PPP1R7: variants seen among roughly 807,000 people sequenced by gnomAD.
The protein encoded by PPP1R7 is protein phosphatase 1 regulatory subunit 22.
A neutral mutation model predicts 45.2 loss-of-function variants in PPP1R7; 18 were observed. That is an observed-to-expected ratio of 0.40 (90% CI 0.28 to 0.59). The LOEUF (loss-of-function observed/expected upper bound fraction) is 0.59. PPP1R7 is among the 20% of genes least tolerant of loss of function. PPP1R7 has a pLI of 0.46. For synonymous variants in PPP1R7, 181 were observed against 183.4 expected, an observed-to-expected ratio of 0.99 and a Z score of 0.11; for missense variants, 314 against 455.8, an observed-to-expected ratio of 0.69 and a Z score of 2.83.
In PPP1R7 at chr2:241,163,432, C is replaced by T. The variant is rs141065303; in HGVS notation, c.714+31C>T. The T allele has an allele frequency of 1.1e-3, 1,663 of 1,496,406 alleles. 3 individuals are homozygous for T. Among genetic ancestry groups the T allele is most frequent in the Non-Finnish European group, 8.2e-4 (881 of 1,074,576 alleles). The allele number at this position is 1,496,406 out of a possible 1,614,324, so 92.7% of individuals were successfully genotyped here. A position where few individuals can be genotyped will look rare whatever the true frequency, so the allele number is the denominator to read the frequency against. ...GAGCTTCCTGAGCCGCCCTTCCCTGCGAGCCCTGGCAGGGCCAGCGCTGCT... is the reference window on the plus strand; with the variant it reads ...GAGCTTCCTGAGCCGCCCTTCCCTGTGAGCCCTGGCAGGGCCAGCGCTGCT... On this transcript the variant is annotated intron_variant, in intron 7 of 9. Transcript: ENST00000234038.
intron 2 of PPP1R7, among the ~76,000 whole-genome samples, chr2:241,153,876 C>T (rs1459757665): frequency 2.0e-5 from 3 of 152,158 alleles, no homozygotes; most frequent in African/African-American, 7.2e-5. Context: ...AGTATGCCGT[C>T]TGAGACAGAA....
At chr2:241,168,839 G>C (rs1162241110) in intron 8 of PPP1R7, among the ~76,000 whole-genome samples, 1 of 152,208 alleles carries the variant, frequency 6.6e-6, no homozygotes, top group Non-Finnish European at 1.5e-5. Context: ...GAGATGGGGG[G>C]AGGAGTATTT....
intron 5 of PPP1R7, 71 bp from the exon 6 acceptor site, chr2:241,160,261 G>T: frequency 7.6e-7 from 1 of 1,319,336 alleles, no homozygotes; most frequent in East Asian, 2.5e-5. Flanking sequence ...CACCTTTAGT[G>T]GTTAAATTGT....
Position 241,153,576 on chromosome 2 carries a change from G to A in PPP1R7, c.153G>A (p.Gly51=), listed in dbSNP as rs756023407. ...TCAGTGAACAGAGCCTGAAGGATGG[G>A]GAGGAGCGGGGGGAGGAGGACCCAG... The part of the protein sequence containing the change: ...ADLSEQSLKD[G]EERGEEDPEE... The change falls in exon 2 of 10, where the codon GGG becomes GGA. Residue 51 remains glycine (G), a synonymous_variant. Transcript: ENST00000234038. The A allele has an allele frequency of 6.2e-7, 1 of 1,614,128 alleles. No homozygotes were observed.
chr2:241,163,496 A>T (rs1436914088), intron 7 of PPP1R7, 95 bp downstream of exon 7: 5 of 844,756 alleles, frequency 5.9e-6, no homozygotes, highest in Non-Finnish European at 9.7e-6. Context: ...TGCCTTCACA[A>T]TTGGCACTTC....
chr2:241,150,629 A>T (rs921319904), intron 1 of PPP1R7, 82 bp downstream of exon 1: 37 of 1,426,418 alleles, frequency 2.6e-5, no homozygotes, highest in Non-Finnish European at 3.4e-5. Context: ...TGCCTGAGAG[A>T]AACTCCACGT....
intron 6 of PPP1R7, among the ~76,000 whole-genome samples, chr2:241,161,065 A>G (rs1024113113): frequency 1.5e-5 from 2 of 136,236 alleles, no homozygotes; most frequent in Non-Finnish European, 3.1e-5. Context: ...CTTCTCTGGC[A>G]TGCTTCTTCG....
intron 6 of PPP1R7, among the ~76,000 whole-genome samples, chr2:241,160,915 C>T (rs2067574557): frequency 6.6e-6 from 1 of 150,872 alleles, no homozygotes; most frequent in African/African-American, 2.4e-5. Flanking sequence ...CATACCGGGG[C>T]TTTAGAAAGC....
intron 8 of PPP1R7, among the ~76,000 whole-genome samples, chr2:241,168,388 C>T (rs569500887): frequency 3.9e-5 from 6 of 152,152 alleles, no homozygotes; most frequent in Non-Finnish European, 7.3e-5. Flanking sequence ...AGTTTCTGGG[C>T]TTGCATACCA....
intron 1 of PPP1R7, among the ~76,000 whole-genome samples, chr2:241,151,845 C>T (rs1249894219): frequency 6.6e-6 from 1 of 152,212 alleles, no homozygotes; most frequent in Non-Finnish European, 1.5e-5. Flanking sequence ...TTAACTCAGA[C>T]CTTCATCATC....
upstream of PPP1R7, chr2:241,149,659 G>GC: frequency 6.5e-7 from 1 of 1,543,532 alleles, no homozygotes; most frequent in Non-Finnish European, 8.7e-7. Context: ...GGGCGCCTCC[G>GC]CCCCCGGGCC....
intron 2 of PPP1R7, among the ~76,000 whole-genome samples, chr2:241,156,758 A>G (rs2067466613): frequency 6.6e-6 from 1 of 152,260 alleles, no homozygotes; most frequent in Admixed American, 6.5e-5. Context: ...ATCATAATGC[A>G]AGTAAACTAA....
Position 241,182,959 on chromosome 2 carries a change from A to G in PPP1R7, c.*136A>G. The G allele has an allele frequency of 9.8e-7, 1 of 1,015,490 alleles. No homozygotes were observed. The highest frequency in any genetic ancestry group is 1.4e-6 in the Non-Finnish European group (1 of 709,978). The allele number at this position is 1,015,490 out of a possible 1,614,324, so 62.9% of individuals were successfully genotyped here. ...CAATGGCAATAAAGGCACTGACGAT[A>G]GCTGGCGCGCGCGACGTCACACACC... On this transcript the variant is annotated 3_prime_UTR_variant, in exon 10 of 10. Coordinates refer to ENST00000234038, the MANE Select transcript of PPP1R7 (RefSeq NM_002712.3).
At chr2:241,162,904 C>T (rs1439962919) in intron 6 of PPP1R7, among the ~76,000 whole-genome samples, 1 of 152,104 alleles carries the variant, frequency 6.6e-6, no homozygotes, top group Non-Finnish European at 1.5e-5. Context: ...AGGATGGTCT[C>T]TATCTGACCT....
Position 241,169,883 on chromosome 2 carries a change from G to A in PPP1R7, c.906+16G>A, listed in dbSNP as rs201044037. On this transcript the variant is annotated intron_variant, in intron 9 of 9. Transcript: ENST00000234038. ...AGAGTTCTGGGTAAGTTTAATACACGCTGGGGTTGATGACACTTTGACTAA... is the reference window on the plus strand; with the variant it reads ...AGAGTTCTGGGTAAGTTTAATACACACTGGGGTTGATGACACTTTGACTAA... The A allele has an allele frequency of 3.7e-4, 577 of 1,578,384 alleles. No homozygotes were observed. The highest frequency in any genetic ancestry group is 4.8e-4 in the Non-Finnish European group (546 of 1,147,700).
At chr2:241,180,874 C>T (rs191862539) in intron 9 of PPP1R7, among the ~76,000 whole-genome samples, 6 of 152,190 alleles carry the variant, frequency 3.9e-5, no homozygotes, top group Admixed American at 2.0e-4. Context: ...AAGGCTGGTA[C>T]GCACTAGTCC....
chr2:241,156,209 A>G (rs1385528143), intron 2 of PPP1R7, among the ~76,000 whole-genome samples: 1 of 152,224 alleles, frequency 6.6e-6, no homozygotes, highest in Admixed American at 6.5e-5. Flanking sequence ...AGGAAGAGCC[A>G]CAGTAACAGC....
intron 9 of PPP1R7, among the ~76,000 whole-genome samples, chr2:241,174,887 G>A (rs780149169): frequency 6.6e-6 from 1 of 151,992 alleles, no homozygotes; most frequent in Non-Finnish European, 1.5e-5. Context: ...GTGTTAGCCA[G>A]GACAGTCTCC....
upstream of PPP1R7, chr2:241,149,833 G>A (rs1406067014): frequency 2.0e-6 from 3 of 1,507,544 alleles, no homozygotes; most frequent in Admixed American, 4.3e-5. Context: ...ACTGGGCTGG[G>A]AACGACTTGC....
Sources: allele counts gnomAD v4.1 joint callset (sites outside exome capture counted in the v4.1 genomes callset), GRCh38; gene constraint gnomAD v4.1.1; transcripts MANE v1.5; gene names NCBI Gene and HGNC (gene_info 2026-07-23, HGNC 2026-07-21).